The following ASPH variants were observed in gnomAD, a reference collection of about 807,000 sequenced individuals.
The protein encoded by ASPH is aspartate beta-hydroxylase, also known as aspartyl/asparaginyl beta-hydroxylase.
Under a neutral mutation model 118.4 loss-of-function variants are expected in ASPH, and 100 were observed. The observed-to-expected ratio is 0.84, with a 90% confidence interval of 0.72 to 1.00. The LOEUF is 1.00. ASPH is among the 50% of genes least tolerant of loss of function. ASPH has a pLI of 0.00. For missense variants in ASPH, 920 were observed against 919.5 expected (o/e 1.00, Z -0.01); for synonymous variants, 315 against 325.6 (o/e 0.97, Z 0.35).
chr8:61,582,227 A>G (rs1464367056), intron 15 of ASPH, among the ~76,000 whole-genome samples: 1 of 152,248 alleles, frequency 6.6e-6, no homozygotes, highest in Non-Finnish European at 1.5e-5. Context: ...TGAGAAAAAT[A>G]TAACTTCTCC....
At chr8:61,569,941 T>G (rs537293494) in intron 16 of ASPH, among the ~76,000 whole-genome samples, 2 of 152,102 alleles carry the variant, frequency 1.3e-5, no homozygotes, top group Admixed American at 6.6e-5. Flanking sequence ...GTGAGTTTTG[T>G]TATAGTGAGT....
chr8:61,540,562 T>A (rs934845368), intron 21 of ASPH, among the ~76,000 whole-genome samples: 2 of 152,180 alleles, frequency 1.3e-5, no homozygotes, highest in African/African-American at 4.8e-5. Context: ...CTACCCAGTC[T>A]CAGGTATTTC....
intron 13 of ASPH, chr8:61,623,648 T>C (rs1851720461): frequency 6.6e-6 from 1 of 152,172 alleles, no homozygotes; most frequent in South Asian, 2.1e-4. Context: ...TCCCCATTGT[T>C]TTCTCTTAGC....
chr8:61,541,389 T>C (rs1305559716), intron 21 of ASPH, among the ~76,000 whole-genome samples: 1 of 152,184 alleles, frequency 6.6e-6, no homozygotes, highest in East Asian at 1.9e-4. Context: ...GCCCTATTCA[T>C]GGTAGTTAAA....
At chr8:61,524,499 C>T (rs1401002548) in intron 22 of ASPH, among the ~76,000 whole-genome samples, 4 of 152,002 alleles carry the variant, frequency 2.6e-5, no homozygotes, top group African/African-American at 9.7e-5. Context: ...AATTCTATCA[C>T]ATGTAAGAAA....
At chr8:61,598,199 A>T (rs1842971188) in intron 14 of ASPH, among the ~76,000 whole-genome samples, 1 of 152,222 alleles carries the variant, frequency 6.6e-6, no homozygotes, top group Non-Finnish European at 1.5e-5. Context: ...AAACTGATAA[A>T]AACACATACC....
intron 17 of ASPH, among the ~76,000 whole-genome samples, chr8:61,565,038 A>G (rs1171824467): frequency 6.6e-6 from 1 of 152,188 alleles, no homozygotes; most frequent in Non-Finnish European, 1.5e-5. Flanking sequence ...GCTAACAGCT[A>G]GTCTTACTTG....
chr8:61,527,670 C>A (rs1390095516), intron 21 of ASPH, among the ~76,000 whole-genome samples: 2 of 152,190 alleles, frequency 1.3e-5, no homozygotes, highest in East Asian at 3.9e-4. Flanking sequence ...GGAAAGTACA[C>A]TCCCAGGAAG....
intron 16 of ASPH, among the ~76,000 whole-genome samples, chr8:61,573,693 T>C (rs138396170): frequency 6.6e-6 from 1 of 152,070 alleles, no homozygotes; most frequent in Non-Finnish European, 1.5e-5. Context: ...CCTTTCCTTA[T>C]ACCTTATACA....
In ASPH at chr8:61,679,518, A is replaced by G. The variant is rs1388311095; in HGVS notation, c.322+1450T>C. 2.0e-5 allele frequency among the ~76,000 whole-genome samples: 3 copies of G among 152,216 alleles called. No homozygotes were observed. The East Asian group carries it at 5.8e-4, about 29-fold the overall frequency. On this transcript the variant is annotated intron_variant, in intron 3 of 24. Transcript: ENST00000379454. ...AAAGAAATACCACATTTTAATTTCT[A>G]ATGGCATTTCCTGACAGACCACATA...
Position 61,619,033 on chromosome 8 carries a change from A to G in ASPH, c.935-14T>C, listed in dbSNP as rs1446867783. The G allele has an allele frequency of 6.3e-7, 1 of 1,580,188 alleles. No individual in the cohort carries two copies. Among genetic ancestry groups the G allele is most frequent in the Admixed American group, 1.7e-5 (1 of 59,706 alleles). On this transcript the variant is annotated splice_polypyrimidine_tract_variant and intron_variant, in intron 13 of 24. Transcript: ENST00000379454. Reference sequence around the variant, plus strand: ...TTCTATTTGTTTCTGAAAATTAAAGACAAAACATAGTAAGTACTATGCAAG... The same window carrying G: ...TTCTATTTGTTTCTGAAAATTAAAGGCAAAACATAGTAAGTACTATGCAAG...
intron 21 of ASPH, among the ~76,000 whole-genome samples, chr8:61,533,908 G>A (rs769823140): frequency 6.6e-6 from 1 of 152,130 alleles, no homozygotes; most frequent in African/African-American, 2.4e-5. Flanking sequence ...CAGGTGGGGG[G>A]TGCTATTAAA....
At chr8:61,581,449 C>A (rs548792756) in intron 15 of ASPH, among the ~76,000 whole-genome samples, 6 of 152,326 alleles carry the variant, frequency 3.9e-5, no homozygotes, top group African/African-American at 1.4e-4. Context: ...GGCCAATGGG[C>A]TGTGCGGAAG....
chr8:61,643,094 G>C (rs1480281122), intron 9 of ASPH, among the ~76,000 whole-genome samples, 174 bp from the exon 10 acceptor site: 1 of 152,088 alleles, frequency 6.6e-6, no homozygotes, highest in Non-Finnish European at 1.5e-5. Context: ...TAAAAGGCAG[G>C]TAAATTATTT....
In ASPH at chr8:61,684,279, T is replaced by C. The variant is rs966186666; in HGVS notation, c.104-91A>G. ...TTATTTCTCCAATAATTTGGGATTATGTACAATGATAGATCATTTCAAAAA... is the reference window on the plus strand; with the variant it reads ...TTATTTCTCCAATAATTTGGGATTACGTACAATGATAGATCATTTCAAAAA... On this transcript the variant is annotated intron_variant, in intron 1 of 24. Coordinates refer to ENST00000379454, the MANE Select transcript of ASPH (RefSeq NM_004318.4). 18 of 1,323,744 alleles carry C rather than the reference T, an allele frequency of 1.4e-5. No homozygotes were observed. In the African/African-American group the frequency reaches 2.7e-4, roughly 19 times the overall value. 82.0% of individuals were successfully genotyped at this position (1,323,744 alleles called of 1,614,324 possible). A position where few individuals can be genotyped will look rare whatever the true frequency, so the allele number is the denominator to read the frequency against.
At chr8:61,617,349 T>C (rs1849393133) in intron 14 of ASPH, among the ~76,000 whole-genome samples, 1 of 152,098 alleles carries the variant, frequency 6.6e-6, no homozygotes, top group Non-Finnish European at 1.5e-5. Flanking sequence ...GCAAGCCATG[T>C]GAAGGGAGTG....
intron 1 of ASPH, among the ~76,000 whole-genome samples, chr8:61,710,708 T>C (rs1249513978): frequency 7.2e-5 from 11 of 152,166 alleles, no homozygotes; most frequent in Admixed American, 2.0e-4. Context: ...GAATGAGTAA[T>C]GGAGGATTAA....
chr8:61,509,627 G>A (rs772119342), intron 24 of ASPH, among the ~76,000 whole-genome samples: 3 of 152,098 alleles, frequency 2.0e-5, no homozygotes, highest in Non-Finnish European at 2.9e-5. Context: ...AACCATCTGG[G>A]AATGCAGCCC....
intron 24 of ASPH, among the ~76,000 whole-genome samples, chr8:61,508,452 G>A (rs571737688): frequency 6.1e-4 from 93 of 152,226 alleles, no homozygotes; most frequent in African/African-American, 2.2e-3. Context: ...TATAAATAAT[G>A]ATAATGATAA....
Sources: gnomAD v4.1 joint callset for allele counts (sites outside exome capture counted in the v4.1 genomes callset) on GRCh38, gnomAD v4.1.1 for gene constraint, MANE v1.5 for transcripts, NCBI Gene and HGNC (gene_info 2026-07-23, HGNC 2026-07-21) for gene names.